The following TENM2 variants were observed in gnomAD, a reference collection of about 807,000 sequenced individuals.
TENM2 encodes teneurin-2.
TENM2 carries 52 observed loss-of-function variants against 245.2 expected under a neutral mutation model. The observed-to-expected ratio is 0.21, with a 90% CI of 0.17 to 0.27. The LOEUF (loss-of-function observed/expected upper bound fraction) is 0.27. Among genes scored for constraint, TENM2 ranks in the 10% least tolerant of loss-of-function variants. The probability of loss-of-function intolerance (pLI) is 1.00; values close to 1 mark genes in which losing one functional copy is unlikely to be tolerated. For synonymous variants in TENM2, 1,363 were observed against 1,438.9 expected, an observed-to-expected ratio of 0.95 and a Z score of 1.19; for missense variants, 3,046 against 3,666.8, an observed-to-expected ratio of 0.83 and a Z score of 4.37.
intron 2 of TENM2, among the ~76,000 whole-genome samples, chr5:167,706,165 A>T (rs1758506717): frequency 6.8e-6 from 1 of 146,058 alleles, no homozygotes; most frequent in Non-Finnish European, 1.5e-5. Flanking sequence ...ATATATAGTT[A>T]TACTATATAT....
At chr5:167,872,271 A>C (rs1225665810) in intron 2 of TENM2, among the ~76,000 whole-genome samples, 1 of 146,970 alleles carries the variant, frequency 6.8e-6, no homozygotes, top group Non-Finnish European at 1.5e-5. Context: ...GACCATGTCA[A>C]AAAAGAAAAA....
intron 2 of TENM2, among the ~76,000 whole-genome samples, chr5:167,532,833 T>TAC (rs1211137597): frequency 6.6e-6 from 1 of 150,700 alleles, no homozygotes; most frequent in African/African-American, 2.4e-5. Context: ...TGTGTATATA[T>TAC]ATATATATAT....
chr5:167,863,045 C>T (rs926981656), intron 2 of TENM2, among the ~76,000 whole-genome samples: 3 of 152,158 alleles, frequency 2.0e-5, no homozygotes, highest in African/African-American at 7.2e-5. Context: ...TTAGAGAGCT[C>T]TGAGTTCATA....
intron 13 of TENM2, among the ~76,000 whole-genome samples, chr5:168,166,207 G>C (rs985234032): frequency 6.6e-6 from 1 of 152,026 alleles, no homozygotes; most frequent in Non-Finnish European, 1.5e-5. Context: ...AGAGGCACCC[G>C]GGCAGAACAT....
At chr5:167,124,709 T>G in the TENM2 span, among the ~76,000 whole-genome samples, 1 of 152,166 alleles carries the variant, frequency 6.6e-6, no homozygotes, top group African/African-American at 2.4e-5. Flanking sequence ...TCTAGTAAGG[T>G]GGTAGTACAT....
chr5:167,340,869 C>G (rs939397843), intron 1 of TENM2, among the ~76,000 whole-genome samples: 1 of 152,126 alleles, frequency 6.6e-6, no homozygotes, highest in Admixed American at 6.5e-5. Flanking sequence ...CCAGAATATT[C>G]CTGTTTGGGG....
At chr5:167,301,477 A>G (rs59920292) in intron 1 of TENM2, among the ~76,000 whole-genome samples, 3,947 of 152,138 alleles carry the variant, frequency 0.026, 153 homozygotes, top group African/African-American at 0.09. Flanking sequence ...ATTGCAACTC[A>G]GAAATATGTT....
At chr5:167,538,439 T>C (rs960322438) in intron 2 of TENM2, among the ~76,000 whole-genome samples, 7 of 152,324 alleles carry the variant, frequency 4.6e-5, no homozygotes, top group Non-Finnish European at 1.0e-4. Flanking sequence ...GATGTCTTGA[T>C]TGGGTATGAT....
chr5:167,796,765 G>A (rs780340012), intron 2 of TENM2, among the ~76,000 whole-genome samples: 26 of 152,140 alleles, frequency 1.7e-4, no homozygotes, highest in Admixed American at 3.9e-4. Flanking sequence ...ATAGCAACTA[G>A]AATATGAAAG....
intron 2 of TENM2, among the ~76,000 whole-genome samples, chr5:167,398,987 C>G (rs1762225114): frequency 6.6e-6 from 1 of 152,112 alleles, no homozygotes; most frequent in South Asian, 2.1e-4. Flanking sequence ...TAACCCTTGG[C>G]TGTCAGGTCC....
chr5:168,202,877 A>G (rs1279207414), intron 17 of TENM2, among the ~76,000 whole-genome samples: 1 of 152,194 alleles, frequency 6.6e-6, no homozygotes, highest in African/African-American at 2.4e-5. Context: ...GCAGCATTCC[A>G]ATTAAAAATG....
intron 5 of TENM2, among the ~76,000 whole-genome samples, chr5:168,019,226 A>G (rs147270543): frequency 6.6e-6 from 1 of 152,360 alleles, no homozygotes; most frequent in Non-Finnish European, 1.5e-5. Context: ...GGAGAAGGAC[A>G]GCATGACAAC....
intron 1 of TENM2, among the ~76,000 whole-genome samples, chr5:167,328,860 T>C (rs1757257625): frequency 2.6e-5 from 4 of 152,226 alleles, no homozygotes; most frequent in Non-Finnish European, 4.4e-5. Context: ...TTTATCAGTA[T>C]TTAACAAAGT....
intron 2 of TENM2, among the ~76,000 whole-genome samples, chr5:167,567,370 T>C (rs1464660985): frequency 6.6e-6 from 1 of 152,142 alleles, no homozygotes; most frequent in Non-Finnish European, 1.5e-5. Context: ...AAAAGGCTTA[T>C]TAAGATGAGG....
chr5:167,657,506 G>T (rs561391452), intron 2 of TENM2, among the ~76,000 whole-genome samples: 1 of 152,282 alleles, frequency 6.6e-6, no homozygotes, highest in Admixed American at 6.5e-5. Context: ...GCCCAGTAGT[G>T]GGATTGCTGG....
chr5:167,135,141 CTGGGGTTTA>C, the TENM2 span, among the ~76,000 whole-genome samples: 1 of 152,066 alleles, frequency 6.6e-6, no homozygotes, highest in Non-Finnish European at 1.5e-5. Flanking sequence ...AATTGGTTTT[CTGGGGTTTA>C]GAGCTCTGTT....
intron 2 of TENM2, among the ~76,000 whole-genome samples, chr5:167,719,925 A>G (rs1759515791): frequency 6.6e-6 from 1 of 152,154 alleles, no homozygotes. Context: ...CCCTTGCTGT[A>G]GAATGGCATA....
chr5:167,006,994 A>G, the TENM2 span, among the ~76,000 whole-genome samples: 17 of 152,270 alleles, frequency 1.1e-4, no homozygotes, highest in South Asian at 2.1e-4. Flanking sequence ...TTAGCCTCAC[A>G]TTATAATATG....
chr5:168,123,590 G>T lies in TENM2; in HGVS notation c.2009-1260G>T, dbSNP rs544203866. Among the ~76,000 whole-genome samples, 4 of 152,222 alleles carry T rather than the reference G, an allele frequency of 2.6e-5. No homozygotes were observed. The South Asian group carries it at 8.3e-4, about 32-fold the overall frequency. On this transcript the variant is annotated intron_variant, in intron 10 of 28. Transcript: ENST00000518659. ...TCAGCGTGGTCCATAAAAACTTCAAGAATAGAATTCAAAGTGGTCTCAAGC... is the reference window on the plus strand; with the variant it reads ...TCAGCGTGGTCCATAAAAACTTCAATAATAGAATTCAAAGTGGTCTCAAGC...
Sources: gnomAD v4.1 joint callset for allele counts (sites outside exome capture counted in the v4.1 genomes callset) on GRCh38, gnomAD v4.1.1 for gene constraint, MANE v1.5 for transcripts, NCBI Gene and HGNC (gene_info 2026-07-23, HGNC 2026-07-21) for gene names.